Variants in CHD9 observed in about 807,000 individuals in gnomAD.
CHD9 encodes ATP-dependent chromatin remodeler CHD9.
Under a neutral mutation model 316.1 loss-of-function variants are expected in CHD9, and 77 were observed. That is an observed-to-expected ratio of 0.24 (90% confidence interval 0.20 to 0.29). The LOEUF (loss-of-function observed/expected upper bound fraction) is 0.29. CHD9 is among the 10% of genes least tolerant of loss of function. The pLI is 1.00. For synonymous variants in CHD9, 1,129 were observed against 1,158.3 expected (o/e 0.97, Z 0.51); for missense variants, 2,763 against 3,438.1 (o/e 0.80, Z 4.91).
chr16:53,273,028 G>A (rs1010413468), intron 22 of CHD9, among the ~76,000 whole-genome samples: 2 of 151,954 alleles, frequency 1.3e-5, no homozygotes. Flanking sequence ...GGCAGAGGTT[G>A]CAGTGAGCCG....
In CHD9 at chr16:53,242,932, A is replaced by T. The variant is rs2049232215; in HGVS notation, c.2970A>T (p.Glu990Asp). 6.2e-7 allele frequency: 1 copy of T among 1,613,420 alleles called. No individual in the cohort carries two copies. The highest frequency in any genetic ancestry group is 8.5e-7 in the Non-Finnish European group (1 of 1,179,474). The change falls in exon 13 of 39, where the codon GAA becomes GAT. Residue 990 changes from glutamate (E) to aspartate (D), a missense_variant. By Grantham distance (45) the Glu-to-Asp change is conservative. Transcript: ENST00000447540. ...GCTGTGGAGAGCTTAATGCAATTGA[A>T]TGGCGATGTGTGATTATTGATGAAG... Reference protein sequence around the residue: ...LGGCGELNAIEWRCVIIDEAH... With the variant: ...LGGCGELNAIDWRCVIIDEAH...
At chr16:53,236,953 T>C (rs577705621) in intron 11 of CHD9, among the ~76,000 whole-genome samples, 1 of 152,126 alleles carries the variant, frequency 6.6e-6, no homozygotes, top group Admixed American at 6.5e-5. Flanking sequence ...CTAAGCCATA[T>C]TCTATACTCC....
At chr16:53,194,200 T>G (rs1324143474) in intron 2 of CHD9, among the ~76,000 whole-genome samples, 1 of 151,202 alleles carries the variant, frequency 6.6e-6, no homozygotes, top group African/African-American at 2.4e-5. Context: ...CACTTCAGCC[T>G]GGGCAACAGA....
chr16:53,307,115 G>T (rs1255857747), intron 32 of CHD9, among the ~76,000 whole-genome samples: 1 of 152,088 alleles, frequency 6.6e-6, no homozygotes, highest in African/African-American at 2.4e-5. Context: ...ACTAGTGCTG[G>T]AATACTTACC....
At chr16:53,162,155 A>G (rs571523608) in intron 2 of CHD9, among the ~76,000 whole-genome samples, 1 of 152,344 alleles carries the variant, frequency 6.6e-6, no homozygotes, top group East Asian at 1.9e-4. Flanking sequence ...ACAACAGTGA[A>G]TATTGCTGAT....
At chr16:53,240,818 T>C (rs192450491) in intron 12 of CHD9, among the ~76,000 whole-genome samples, 15 of 152,246 alleles carry the variant, frequency 9.9e-5, no homozygotes, top group African/African-American at 3.6e-4. Flanking sequence ...ACTTAATCTT[T>C]GTAATATCAA....
At chr16:53,209,982 G>A (rs2046199904) in intron 3 of CHD9, among the ~76,000 whole-genome samples, 169 bp downstream of exon 3, 1 of 151,986 alleles carries the variant, frequency 6.6e-6, no homozygotes, top group Non-Finnish European at 1.5e-5. Context: ...TAATATTCCA[G>A]GATCTCCCAA....
At chr16:53,283,113 A>G (rs1252529197) in intron 24 of CHD9, among the ~76,000 whole-genome samples, 3 of 151,422 alleles carry the variant, frequency 2.0e-5, no homozygotes, top group Non-Finnish European at 4.4e-5. Flanking sequence ...CCTTTTTTCC[A>G]TTCTCTTCCT....
At chr16:53,235,826 C>T (rs1044321542) in intron 11 of CHD9, among the ~76,000 whole-genome samples, 12 of 152,090 alleles carry the variant, frequency 7.9e-5, no homozygotes, top group African/African-American at 2.9e-4. Flanking sequence ...GAATATCTTA[C>T]ATTCTTTTTT....
chr16:53,225,423 T>G (rs1227309709), intron 4 of CHD9, among the ~76,000 whole-genome samples: 1 of 152,174 alleles, frequency 6.6e-6, no homozygotes, highest in African/African-American at 2.4e-5. Flanking sequence ...ACCTAAGCCC[T>G]TTGGGATTTT....
intron 17 of CHD9, among the ~76,000 whole-genome samples, chr16:53,254,198 G>T (rs1246367137): frequency 6.6e-6 from 1 of 151,806 alleles, no homozygotes; most frequent in Non-Finnish European, 1.5e-5. Context: ...AAAAAAAATA[G>T]TCCTTTGTGA....
intron 2 of CHD9, among the ~76,000 whole-genome samples, chr16:53,180,743 GC>G (rs943427463): frequency 1.3e-5 from 2 of 151,882 alleles, no homozygotes; most frequent in Admixed American, 6.6e-5. Flanking sequence ...CGCGATCTCG[GC>G]CCACTGCAAG....
In CHD9 at chr16:53,061,760, A is replaced by C. The variant is rs1165905713; in HGVS notation, c.-165+6683A>C. Among the ~76,000 whole-genome samples, 7 of 152,194 alleles carry C rather than the reference A, an allele frequency of 4.6e-5. No individual in the cohort carries two copies. In the South Asian group the frequency reaches 1.4e-3, roughly 32 times the overall value. On this transcript the variant is annotated intron_variant, in intron 1 of 38. Coordinates refer to ENST00000447540, the MANE Select transcript of CHD9 (RefSeq NM_001308319.2). ...ACCCTGAAGCCAGAAAATAACTTAA[A>C]GCAGAAGTGAAAGGTAGCCCAGGGC... is the stretch of plus-strand genomic sequence containing the variant.
rs774767804 is a variant in CHD9 at position 53,303,940 on chromosome 16, G to A, written c.5934G>A (p.Gly1978=). 3 of 1,613,962 alleles carry A rather than the reference G, an allele frequency of 1.9e-6. No individual in the cohort carries two copies. The highest frequency in any genetic ancestry group is 2.5e-6 in the Non-Finnish European group (3 of 1,179,874). Reference sequence around the variant, plus strand: ...TGCTTATTGGTGCTGCCAAACACGGGGTGAGCCGAACAGACTATCACATTC... The same window carrying A: ...TGCTTATTGGTGCTGCCAAACACGGAGTGAGCCGAACAGACTATCACATTC... ...RDLLIGAAKH[G]VSRTDYHILR... is the part of the protein sequence containing the mutation. The change falls in exon 31 of 39, where the codon GGG becomes GGA. Residue 1978 remains glycine (G), a synonymous_variant. Coordinates refer to ENST00000447540, the MANE Select transcript of CHD9 (RefSeq NM_001308319.2).
chr16:53,309,928 G>A (rs1304267675), intron 34 of CHD9, among the ~76,000 whole-genome samples: 1 of 152,150 alleles, frequency 6.6e-6, no homozygotes, highest in Non-Finnish European at 1.5e-5. Context: ...TAAAGTACTA[G>A]TTGTCAATTC....
At chr16:53,186,726 C>T (rs1379260241) in intron 2 of CHD9, among the ~76,000 whole-genome samples, 1 of 152,096 alleles carries the variant, frequency 6.6e-6, no homozygotes, top group African/African-American at 2.4e-5. Context: ...GTGGTTTTCC[C>T]CATCCTGTTC....
chr16:53,245,874 A>T lies in CHD9; in HGVS notation c.3454+24A>T. The stretch of plus-strand genomic sequence containing the variant: ...AGGTAGCTAAAAAAGATTACAACAA[A>T]TATGTTTTTTCTTGCAACAAATACT... On this transcript the variant is annotated intron_variant, in intron 15 of 38. Transcript: ENST00000447540. The surrounding 1 kb of genome is among the most constrained non-coding windows in gnomAD (Gnocchi z 4.1). 1 of 1,444,228 alleles carries T rather than the reference A, an allele frequency of 6.9e-7. No homozygotes were observed. The highest frequency in any genetic ancestry group is 9.1e-7 in the Non-Finnish European group (1 of 1,093,194). The allele number at this position is 1,444,228 out of a possible 1,614,324, so 89.5% of individuals were successfully genotyped here.
At chr16:53,202,271 G>A (rs1179893958) in intron 2 of CHD9, among the ~76,000 whole-genome samples, 1 of 152,068 alleles carries the variant, frequency 6.6e-6, no homozygotes, top group Non-Finnish European at 1.5e-5. Flanking sequence ...TTCTCCAGTT[G>A]CTAAGTAAAT....
At chr16:53,187,388 G>A (rs1026565973) in intron 2 of CHD9, among the ~76,000 whole-genome samples, 3 of 152,088 alleles carry the variant, frequency 2.0e-5, no homozygotes, top group African/African-American at 7.2e-5. Context: ...ACACACACCT[G>A]TAGTCCTAGC....
Sources: gnomAD v4.1 joint callset for allele counts (sites outside exome capture counted in the v4.1 genomes callset) on GRCh38, gnomAD v4.1.1 for gene constraint, Gnocchi (gnomAD v3.1) non-coding constraint, MANE v1.5 for transcripts, NCBI Gene and HGNC (gene_info 2026-07-23, HGNC 2026-07-21) for gene names.